The following PADI3 variants were observed in gnomAD, a reference collection of about 807,000 sequenced individuals.
The protein encoded by PADI3 is peptidyl arginine deiminase 3, also known as protein-arginine deiminase type-3.
A neutral mutation model predicts 71.5 loss-of-function variants in PADI3; 53 were observed. The observed-to-expected ratio is 0.74, with a 90% CI of 0.59 to 0.93. The LOEUF (loss-of-function observed/expected upper bound fraction) is 0.93, where lower values mean the gene tolerates loss of function less well. Among genes scored for constraint, PADI3 ranks in the 40% least tolerant of loss-of-function variants. The probability of loss-of-function intolerance (pLI) is 0.00; values close to 1 mark genes in which losing one functional copy is unlikely to be tolerated. For missense variants in PADI3, 821 were observed against 868.0 expected (o/e 0.95, Z 0.68); for synonymous variants, 361 against 347.5 (o/e 1.04, Z -0.43).
At chr1:17,253,618 G>A (rs183356187) in intron 1 of PADI3, among the ~76,000 whole-genome samples, 3 of 152,254 alleles carry the variant, frequency 2.0e-5, no homozygotes, top group Non-Finnish European at 4.4e-5. Flanking sequence ...TGATGCCCAG[G>A]CCCCACCTTG....
intron 4 of PADI3, among the ~76,000 whole-genome samples, chr1:17,266,175 A>C (rs1169106347): frequency 6.6e-6 from 1 of 152,260 alleles, no homozygotes; most frequent in African/African-American, 2.4e-5. Flanking sequence ...TTTGGCCCAC[A>C]GTTCATAATG....
chr1:17,279,778 A>G (rs532059696), intron 13 of PADI3, among the ~76,000 whole-genome samples: 29 of 152,218 alleles, frequency 1.9e-4, no homozygotes, highest in African/African-American at 6.3e-4. Flanking sequence ...AGCCATGAGG[A>G]TTGTGTGCCA....
chr1:17,266,751 C>T lies in PADI3; in HGVS notation c.441C>T (p.Gly147=), dbSNP rs745514948. 77 of 1,613,962 alleles carry T rather than the reference C, an allele frequency of 4.8e-5. No individual in the cohort carries two copies. The Middle Eastern group carries it at 4.9e-4, about 10-fold the overall frequency. Residue 147 remains glycine, a synonymous_variant, in exon 5 of 16, where the codon GGC becomes GGT. Transcript: ENST00000375460. ...GGGTCTGGGGGCCCAGTGGGTATGG[C>T]GGCATCTTGCTGGTGAACTGTGACC... ...RQWVWGPSGY[G]GILLVNCDRD...
intron 3 of PADI3, among the ~76,000 whole-genome samples, chr1:17,264,067 A>C (rs1364468877): frequency 1.3e-5 from 2 of 152,182 alleles, no homozygotes; most frequent in Non-Finnish European, 2.9e-5. Flanking sequence ...GATATTGCCA[A>C]ACTGCTCTCC....
At chr1:17,278,203 T>C (rs1255721388) in intron 13 of PADI3, among the ~76,000 whole-genome samples, 1 of 152,248 alleles carries the variant, frequency 6.6e-6, no homozygotes, top group East Asian at 1.9e-4. Context: ...ATGGTACTCT[T>C]TTGTCTGCTC....
rs140110169 is a variant in PADI3 at position 17,249,230 on chromosome 1, G to T, written c.92+1G>T. ...TGGAGACCCTCGTGGACATTTATGG[G>T]TAAGAGTCAGAGGCCTAGTGGTTTG... On this transcript the variant is annotated splice_donor_variant, in intron 1 of 15. Coordinates refer to ENST00000375460, the MANE Select transcript of PADI3 (RefSeq NM_016233.2). LOFTEE classifies it high-confidence loss of function. 8 of 1,612,176 alleles carry T rather than the reference G, an allele frequency of 5.0e-6. No homozygotes were observed. The African/African-American group carries it at 1.1e-4, about 22-fold the overall frequency.
At position 17,284,057 on chromosome 1, in the gene PADI3, G is replaced by A. The variant is rs1310483030; in HGVS notation, c.*978G>A. 1 of 151,472 alleles carries A rather than the reference G, an allele frequency of 6.6e-6. No homozygotes were observed. The highest frequency in any genetic ancestry group is 1.5e-5 in the Non-Finnish European group (1 of 67,994). 9.4% of individuals were successfully genotyped at this position (151,472 alleles called of 1,614,324 possible). On this transcript the variant is annotated 3_prime_UTR_variant, in exon 16 of 16. Coordinates refer to ENST00000375460, the MANE Select transcript of PADI3 (RefSeq NM_016233.2). ...ATCCTGCTCTGCTGCAGGAGAGGGG[G>A]CTAAGGGGCTGGATCCACCAAGGCA...
chr1:17,258,740 G>A (rs1044861467), intron 1 of PADI3, among the ~76,000 whole-genome samples: 1 of 152,224 alleles, frequency 6.6e-6, no homozygotes, highest in African/African-American at 2.4e-5. Flanking sequence ...AGCTGCGTGC[G>A]CCAGGTGCCT....
chr1:17,270,159 T>C, intron 6 of PADI3, 74 bp from the exon 7 acceptor site: 1 of 1,507,148 alleles, frequency 6.6e-7, no homozygotes, highest in South Asian at 1.3e-5. Flanking sequence ...GCTGCAGACC[T>C]CTTCCTGTGT....
intron 1 of PADI3, among the ~76,000 whole-genome samples, chr1:17,253,600 A>G (rs1031685111): frequency 6.6e-6 from 1 of 152,122 alleles, no homozygotes; most frequent in African/African-American, 2.4e-5. Flanking sequence ...GGGGATCCAT[A>G]AAAAAATTGA....
intron 1 of PADI3, among the ~76,000 whole-genome samples, chr1:17,255,158 G>C (rs2073012605): frequency 1.3e-5 from 2 of 152,250 alleles, no homozygotes; most frequent in South Asian, 4.1e-4. Flanking sequence ...AGGTGGGTCT[G>C]AGGTTGGCTA....
chr1:17,256,132 C>T (rs2073024238), intron 1 of PADI3, among the ~76,000 whole-genome samples: 1 of 152,294 alleles, frequency 6.6e-6, no homozygotes, highest in African/African-American at 2.4e-5. Flanking sequence ...CCCCAGCCAC[C>T]CAGCCCACTG....
Position 17,276,781 on chromosome 1 carries a change from G to A in PADI3, c.1460G>A (p.Arg487Gln), listed in dbSNP as rs759343182. The change falls in exon 13 of 16, where the codon CGG (arginine) becomes CAG (glutamine). Residue 487 changes from arginine (R) to glutamine (Q), a missense_variant. By Grantham distance (43) the Arg-to-Gln change is conservative. Transcript: ENST00000375460. ...FVPAPDGKGF[R>Q]MLLASPGACF... ...TCTGTTCTCTGCACGCAGGGCTTCC[G>A]GATGCTCCTGGCCAGCCCTGGGGCC... 19 of 1,613,490 alleles carry A rather than the reference G, an allele frequency of 1.2e-5. No homozygotes were observed. Among genetic ancestry groups the A allele is most frequent in the East Asian group, 4.5e-5 (2 of 44,882 alleles).
At chr1:17,270,504 G>T in intron 7 of PADI3, 93 bp downstream of exon 7, 1 of 1,094,146 alleles carries the variant, frequency 9.1e-7, no homozygotes. Flanking sequence ...AAAAAATAGC[G>T]AGGTATAGTG....
intron 10 of PADI3, among the ~76,000 whole-genome samples, chr1:17,274,195 G>T (rs567511681): frequency 6.6e-6 from 1 of 151,260 alleles, no homozygotes; most frequent in Non-Finnish European, 1.5e-5. Context: ...CCCTGGGGAG[G>T]TCTCCCCTTC....
chr1:17,263,571 T>G, intron 3 of PADI3, among the ~76,000 whole-genome samples: 1 of 152,066 alleles, frequency 6.6e-6, no homozygotes, highest in East Asian at 1.9e-4. Flanking sequence ...CTTTGTACCC[T>G]CAAAATAGTA....
intron 11 of PADI3, among the ~76,000 whole-genome samples, chr1:17,275,130 C>G (rs2073310743): frequency 6.6e-6 from 1 of 151,984 alleles, no homozygotes; most frequent in African/African-American, 2.4e-5. Flanking sequence ...ATACTAGTAA[C>G]AGTCAATTAA....
chr1:17,269,649 C>T (rs889694404), intron 6 of PADI3, among the ~76,000 whole-genome samples: 4 of 151,698 alleles, frequency 2.6e-5, no homozygotes, highest in East Asian at 1.9e-4. Flanking sequence ...GATGGATTCT[C>T]GCTCCATGCC....
intron 6 of PADI3, among the ~76,000 whole-genome samples, chr1:17,268,976 T>G (rs968301129): frequency 6.6e-6 from 1 of 151,156 alleles, no homozygotes; most frequent in African/African-American, 2.4e-5. Context: ...GCCTCCACCT[T>G]TCAGGCTCAA....
Sources: allele counts gnomAD v4.1 joint callset (sites outside exome capture counted in the v4.1 genomes callset), GRCh38; gene constraint gnomAD v4.1.1; transcripts MANE v1.5; gene names NCBI Gene and HGNC (gene_info 2026-07-23, HGNC 2026-07-21).